TMEM63C: variants seen among roughly 807,000 people sequenced by gnomAD.
The protein encoded by TMEM63C is transmembrane protein 63C, also known as osmosensitive cation channel TMEM63C.
A neutral mutation model predicts 99.2 loss-of-function variants in TMEM63C; 32 were observed. The observed-to-expected ratio is 0.32, with a 90% CI of 0.24 to 0.43. The LOEUF (loss-of-function observed/expected upper bound fraction) is 0.43, where lower values mean the gene tolerates loss of function less well. Ranked by LOEUF, TMEM63C falls within the 20% of genes least tolerant of loss-of-function variation. The pLI, the probability that TMEM63C is intolerant of heterozygous loss-of-function variation, is 1.00. For missense variants in TMEM63C, 826 were observed against 1,053.0 expected (o/e 0.78, Z 2.98); for synonymous variants, 376 against 397.9 (o/e 0.94, Z 0.66).
chr14:77,209,864 T>A (rs1184587109), intron 1 of TMEM63C, among the ~76,000 whole-genome samples: 1 of 151,902 alleles, frequency 6.6e-6, no homozygotes, highest in Non-Finnish European at 1.5e-5. Flanking sequence ...ATGGGAGGAA[T>A]ACCAGAGCCT....
At chr14:77,250,580 C>G (rs1452439977) in intron 21 of TMEM63C, among the ~76,000 whole-genome samples, 2 of 152,128 alleles carry the variant, frequency 1.3e-5, no homozygotes, top group East Asian at 3.9e-4. Flanking sequence ...GCTGGGACTA[C>G]AGGCGGGTGC....
intron 1 of TMEM63C, among the ~76,000 whole-genome samples, chr14:77,195,540 C>T (rs189708652): frequency 6.4e-4 from 98 of 152,318 alleles, no homozygotes; most frequent in African/African-American, 2.3e-3. Flanking sequence ...GTCAAGGTAG[C>T]GCCCTTCCAC....
At chr14:77,235,156 T>C (rs111588787) in intron 8 of TMEM63C, among the ~76,000 whole-genome samples, 2,819 of 151,308 alleles carry the variant, frequency 0.019, 89 homozygotes, top group African/African-American at 0.065. Context: ...CAATAAACGT[T>C]CCCCCCATGA....
At chr14:77,205,960 C>T (rs1888391757) in intron 1 of TMEM63C, among the ~76,000 whole-genome samples, 1 of 152,184 alleles carries the variant, frequency 6.6e-6, no homozygotes, top group African/African-American at 2.4e-5. Context: ...GGGACAGTTG[C>T]CACCTCTTCT....
At chr14:77,226,429 CG>C (rs1300702777) in intron 6 of TMEM63C, among the ~76,000 whole-genome samples, 1 of 152,162 alleles carries the variant, frequency 6.6e-6, no homozygotes, top group Admixed American at 6.5e-5. Context: ...CAAACCCATG[CG>C]GTCTGGTTGG....
At chr14:77,251,579 A>AT (rs890275474) in intron 21 of TMEM63C, 5 of 576,710 alleles carry the variant, frequency 8.7e-6, no homozygotes, top group East Asian at 2.9e-5. Flanking sequence ...CAATTAAAAC[A>AT]TTTTTTCATG....
intron 1 of TMEM63C, among the ~76,000 whole-genome samples, chr14:77,209,517 CT>C (rs1047674202): frequency 2.0e-5 from 3 of 152,190 alleles, no homozygotes; most frequent in Non-Finnish European, 1.5e-5. Flanking sequence ...GATATGGTCC[CT>C]ACTATCAAAG....
Position 77,249,457 on chromosome 14 carries a change from G to C in TMEM63C, c.2037G>C (p.Leu679Phe). ...TGCTGTTCTTCTCCATCCTGCGGTT[G>C]GGTAGGTACCAAGCCAGCCTGGAGA... ...FWMLFFSILR[L>F]GSLHAITIFS... is the part of the protein sequence containing the mutation. Residue 679 changes from leucine to phenylalanine, a missense_variant and splice_region_variant, in exon 21 of 24, where the codon TTG becomes TTC. Leu to Phe is a conservative substitution (Grantham distance 22). Coordinates refer to ENST00000298351, the MANE Select transcript of TMEM63C (RefSeq NM_020431.4). The C allele has an allele frequency of 6.2e-7, 1 of 1,613,880 alleles. No homozygotes were observed. Among genetic ancestry groups the C allele is most frequent in the Non-Finnish European group, 8.5e-7 (1 of 1,179,816 alleles).
chr14:77,249,447 T>C lies in TMEM63C; in HGVS notation c.2027T>C (p.Ile676Thr). ...CTGTTCTGGATGCTGTTCTTCTCCA[T>C]CCTGCGGTTGGGTAGGTACCAAGCC... ...LGLFWMLFFS[I>T]LRLGSLHAIT... The change falls in exon 21 of 24, where the codon ATC (isoleucine) becomes ACC (threonine). Residue 676 changes from isoleucine (I) to threonine (T), a missense_variant. Transcript: ENST00000298351. 1 of 1,614,036 alleles carries C rather than the reference T, an allele frequency of 6.2e-7. No homozygotes were observed. Among genetic ancestry groups the C allele is most frequent in the East Asian group, 2.2e-5 (1 of 44,886 alleles).
chr14:77,214,197 C>T (rs1477198851), intron 2 of TMEM63C, among the ~76,000 whole-genome samples: 1 of 152,178 alleles, frequency 6.6e-6, no homozygotes, highest in Non-Finnish European at 1.5e-5. Flanking sequence ...CATTGTTCTA[C>T]AAGATGAACA....
intron 18 of TMEM63C, among the ~76,000 whole-genome samples, chr14:77,247,570 T>G (rs1475341021): frequency 6.6e-6 from 1 of 152,164 alleles, no homozygotes; most frequent in Non-Finnish European, 1.5e-5. Flanking sequence ...GTATAAAAAC[T>G]GATATTACTT....
chr14:77,185,227 AAG>A (rs1350146677), intron 1 of TMEM63C, among the ~76,000 whole-genome samples: 1 of 152,166 alleles, frequency 6.6e-6, no homozygotes, highest in Non-Finnish European at 1.5e-5. Flanking sequence ...ATGAGATGGG[AAG>A]AGCTGGGCTG....
chr14:77,239,571 C>T (rs969667789), intron 11 of TMEM63C, 32 bp from the exon 12 acceptor site: 13 of 1,612,892 alleles, frequency 8.1e-6, no homozygotes, highest in Non-Finnish European at 9.3e-6. Context: ...CCCTGACCTG[C>T]AGGTCCTTCT....
rs1439403362 is a variant in TMEM63C, at chr14:77,258,085, C to G, written c.*1359C>G. On this transcript the variant is annotated 3_prime_UTR_variant, in exon 24 of 24. Transcript: ENST00000298351. ...CCGGCTTCTGCCTCTGGGATGGGCTCTCATCAGGACCACCGTGCAGCCCAG... is the reference window on the plus strand; with the variant it reads ...CCGGCTTCTGCCTCTGGGATGGGCTGTCATCAGGACCACCGTGCAGCCCAG... 6.6e-6 allele frequency: 1 copy of G among 152,382 alleles called. No individual in the cohort carries two copies. The highest frequency in any genetic ancestry group is 1.5e-5 in the Non-Finnish European group (1 of 68,184). 9.4% of individuals were successfully genotyped at this position (152,382 alleles called of 1,614,324 possible).
intron 13 of TMEM63C, 68 bp from the exon 14 acceptor site, chr14:77,242,279 T>G (rs1440614266): frequency 3.8e-6 from 6 of 1,569,114 alleles, no homozygotes; most frequent in African/African-American, 1.4e-5. Flanking sequence ...GCTCCTGGCA[T>G]GAGACCCTCC....
At chr14:77,217,753 G>A (rs1046882498) in intron 2 of TMEM63C, among the ~76,000 whole-genome samples, 13 of 152,196 alleles carry the variant, frequency 8.5e-5, no homozygotes, top group Admixed American at 4.6e-4. Flanking sequence ...TCAGGCTCAC[G>A]GAGTTGGCTC....
intron 1 of TMEM63C, among the ~76,000 whole-genome samples, chr14:77,199,089 G>A (rs776785597): frequency 6.6e-6 from 1 of 152,150 alleles, no homozygotes; most frequent in African/African-American, 2.4e-5. Context: ...AAAAAACACA[G>A]AGAAAGAAAG....
intron 1 of TMEM63C, among the ~76,000 whole-genome samples, chr14:77,198,115 C>G (rs900218375): frequency 6.6e-6 from 1 of 152,238 alleles, no homozygotes; most frequent in African/African-American, 2.4e-5. Flanking sequence ...CCCAGACAGG[C>G]AGTGACCGCA....
At chr14:77,200,051 C>G (rs1397347796) in intron 1 of TMEM63C, among the ~76,000 whole-genome samples, 4 of 152,198 alleles carry the variant, frequency 2.6e-5, no homozygotes, top group African/African-American at 9.6e-5. Flanking sequence ...TCCCTTCAGT[C>G]TCCCAGGCCA....
Sources: allele counts gnomAD v4.1 joint callset (sites outside exome capture counted in the v4.1 genomes callset), GRCh38; gene constraint gnomAD v4.1.1; transcripts MANE v1.5; gene names NCBI Gene and HGNC (gene_info 2026-07-23, HGNC 2026-07-21).